ZBTB40: variants seen among roughly 807,000 people sequenced by gnomAD.
ZBTB40 encodes the protein zinc finger and BTB domain-containing protein 40.
In ZBTB40, 60 loss-of-function variants were observed where a neutral mutation model predicts 117.5. The ratio of observed to expected loss-of-function variants is 0.51; its 90% CI spans 0.41 to 0.63. ZBTB40 has a LOEUF of 0.63. ZBTB40 is among the 30% of genes least tolerant of loss of function. ZBTB40 has a pLI of 0.00. For synonymous variants in ZBTB40, 525 were observed against 577.1 expected (o/e 0.91, Z 1.29); for missense variants, 1,287 against 1,498.5 (o/e 0.86, Z 2.33).
At position 22,521,653 on chromosome 1, in the gene ZBTB40, A is replaced by G. The variant is rs746058693; in HGVS notation, c.3206A>G (p.His1069Arg). The G allele has an allele frequency of 6.2e-6, 10 of 1,614,256 alleles. No homozygotes were observed. The South Asian group carries it at 9.9e-5, about 16-fold the overall frequency. ...CACAAGAAGCACATCAAAGCAGAAC[A>G]TGCAGGTGGAGTTTGGGTACCGCCG... ...IEHKKHIKAE[H>R]ADMKFHECDQ... Residue 1069 changes from histidine (H) to arginine (R), a missense_variant, in exon 15 of 18, where the codon CAT (histidine) becomes CGT (arginine). By Grantham distance (29) the His-to-Arg change is conservative (BLOSUM62 0). Coordinates refer to ENST00000375647, the MANE Select transcript of ZBTB40 (RefSeq NM_014870.4).
upstream of ZBTB40, among the ~76,000 whole-genome samples, chr1:22,448,957 C>T (rs965573606): frequency 3.3e-5 from 5 of 152,004 alleles, no homozygotes; most frequent in Non-Finnish European, 7.4e-5. Context: ...GGATTACAAG[C>T]CAGCACCACC....
intron 13 of ZBTB40, among the ~76,000 whole-genome samples, 192 bp from the exon 14 acceptor site, chr1:22,519,869 G>A (rs1205733455): frequency 6.6e-6 from 1 of 152,198 alleles, no homozygotes; most frequent in Non-Finnish European, 1.5e-5. Flanking sequence ...CACCTCCTAG[G>A]ATGAAGGTGG....
intron 13 of ZBTB40, among the ~76,000 whole-genome samples, chr1:22,517,849 G>C (rs1639416971): frequency 6.6e-6 from 1 of 152,124 alleles, no homozygotes; most frequent in South Asian, 2.1e-4. Context: ...GACACTTTCT[G>C]AGTTAATGTC....
intron 1 of ZBTB40, among the ~76,000 whole-genome samples, chr1:22,478,821 A>G (rs1326704911): frequency 2.0e-5 from 3 of 152,226 alleles, no homozygotes; most frequent in Non-Finnish European, 4.4e-5. Context: ...ACATTACAAT[A>G]ATCTTAAGTG....
chr1:22,452,937 C>T (rs1251968737), intron 1 of ZBTB40: 1 of 152,244 alleles, frequency 6.6e-6, no homozygotes, highest in African/African-American at 2.4e-5. Context: ...TTTATGACGA[C>T]GCTTTATAAG....
intron 1 of ZBTB40, among the ~76,000 whole-genome samples, chr1:22,480,197 C>T (rs914644608): frequency 4.6e-5 from 7 of 152,084 alleles, no homozygotes; most frequent in East Asian, 1.9e-4. Context: ...TGAGCCACTG[C>T]GCCCAGCCAG....
chr1:22,522,389 A>T lies in ZBTB40; in HGVS notation c.3224A>T (p.His1075Leu). ...IKAEHADMKFHECDQCKELFP... is the reference protein window; with the variant it reads ...IKAEHADMKFLECDQCKELFP... Reference sequence around the variant, plus strand: ...ATGCACTTCACAGATATGAAGTTCCATGAATGTGACCAGTGTAAGGAGCTC... The same window carrying T: ...ATGCACTTCACAGATATGAAGTTCCTTGAATGTGACCAGTGTAAGGAGCTC... The change falls in exon 16 of 18, where the codon CAT (histidine) becomes CTT (leucine). Residue 1075 changes from histidine (H) to leucine (L), a missense_variant. Physicochemically the swap from His to Leu is moderately conservative, Grantham distance 99 (BLOSUM62 -3). This residue lies in a region of ZBTB40 where 417 missense variants were observed against 564.1 expected (regional missense o/e 0.74). Transcript: ENST00000375647. 6.2e-7 allele frequency: 1 copy of T among 1,614,192 alleles called. No individual in the cohort carries two copies. The highest frequency in any genetic ancestry group is 1.1e-5 in the South Asian group (1 of 91,084).
At position 22,522,945 on chromosome 1, in the gene ZBTB40, C is replaced by CTTTTTT. The variant is rs34232963; in HGVS notation, c.3298+497_3298+502dup. The stretch of plus-strand genomic sequence containing the variant: ...CCATGCTCGACTAAATAAGATGTAC[C>CTTTTTT]TTTTTTTTTTTTTTTTTTTTGAGAT... On this transcript the variant is annotated intron_variant, in intron 16 of 17. Transcript: ENST00000375647. Among the ~76,000 whole-genome samples the CTTTTTT allele has an allele frequency of 1.4e-3, 128 of 93,908 alleles. 8 individuals carry two copies. The highest frequency in any genetic ancestry group is 4.4e-3 in the East Asian group (11 of 2,524). The allele number at this position is 93,908 out of a possible 152,430, so 61.6% of individuals were successfully genotyped here.
rs2124457861 is a variant in ZBTB40, at chr1:22,511,284, C to G, written c.1939C>G (p.Leu647Val). The G allele has an allele frequency of 6.2e-7, 1 of 1,614,120 alleles. No individual in the cohort carries two copies. The highest frequency in any genetic ancestry group is 2.2e-5 in the East Asian group (1 of 44,868). The change falls in exon 10 of 18, where the codon CTG becomes GTG. Residue 647 changes from leucine to valine, a missense_variant. By Grantham distance (32) the Leu-to-Val change is conservative. Transcript: ENST00000375647. Reference protein sequence around the residue: ...SVPAIEICHLLCSVHKSFPGL... With the variant: ...SVPAIEICHLVCSVHKSFPGL... ...CCCGGCCATTGAAATATGCCACCTC[C>G]TGTGCAGTGTCCACAAATCTTTTCC...
rs200763839 is a variant in ZBTB40 at position 22,429,407 on chromosome 1, T to TAA, written c.-70+393_-70+394insAA. 9.2e-3 allele frequency among the ~76,000 whole-genome samples: 1,400 copies of TAA among 152,198 alleles called. 17 individuals are homozygous for TAA. The highest frequency in any genetic ancestry group is 0.032 in the African/African-American group (1,327 of 41,520). ...AAAAAAAAAAGAAAGAAATTCTTAC[T>TAA]GATCGCAAAGTCACAAAGGCATTTG... On this transcript the variant is annotated intron_variant, in intron 1 of 8. Coordinates refer to the ZBTB40 transcript ENST00000650433.
At chr1:22,481,770 C>T (rs1638326036) in intron 1 of ZBTB40, among the ~76,000 whole-genome samples, 1 of 92,184 alleles carries the variant, frequency 1.1e-5, no homozygotes, top group African/African-American at 4.2e-5. Flanking sequence ...ATCCGTAAGA[C>T]TTATGTCTTG....
At position 22,511,806 on chromosome 1, in the gene ZBTB40, A is replaced by G. The variant is rs1471619289; in HGVS notation, c.2133A>G (p.Gln711=). The change falls in exon 11 of 18, where the codon CAA becomes CAG. Residue 711 remains glutamine (Q), a synonymous_variant. Transcript: ENST00000375647. ...EDSQPGEQND[Q]GETGSLPGQQ... ...GCCAGCCTGGGGAACAGAATGATCA[A>G]GGAGAGACTGGTTCCTTGCCAGGAC... 6.2e-7 allele frequency: 1 copy of G among 1,613,960 alleles called. No homozygotes were observed. The highest frequency in any genetic ancestry group is 1.3e-5 in the African/African-American group (1 of 74,902).
intron 1 of ZBTB40, among the ~76,000 whole-genome samples, chr1:22,461,329 G>GTT (rs5773006): frequency 2.1e-5 from 3 of 140,574 alleles, no homozygotes; most frequent in African/African-American, 2.7e-5. Context: ...GAGTTCCGTT[G>GTT]TTTTTTTTTT....
intron 1 of ZBTB40, among the ~76,000 whole-genome samples, chr1:22,459,181 T>A (rs1217313657): frequency 6.6e-6 from 1 of 152,250 alleles, no homozygotes; most frequent in Non-Finnish European, 1.5e-5. Context: ...TTGTTTTATT[T>A]CTATCCAAGT....
chr1:22,482,197 GA>G (rs1478518325), intron 1 of ZBTB40, among the ~76,000 whole-genome samples: 1 of 152,168 alleles, frequency 6.6e-6, no homozygotes, highest in Non-Finnish European at 1.5e-5. Flanking sequence ...TGAGCAAGCT[GA>G]AAACAATCAT....
At position 22,501,583 on chromosome 1, in the gene ZBTB40, C is replaced by G; in HGVS notation, c.923C>G (p.Thr308Ser). 2 of 1,614,172 alleles carry G rather than the reference C, an allele frequency of 1.2e-6. No homozygotes were observed. The highest frequency in any genetic ancestry group is 1.7e-6 in the Non-Finnish European group (2 of 1,180,018). ...KVREESLDVQTVVSLLRLYQY... is the reference protein window; with the variant it reads ...KVREESLDVQSVVSLLRLYQY... Reference sequence around the variant, plus strand: ...AGAGAGGAAAGCCTGGATGTTCAAACTGTTGTGTCCCTGTTGAGGCTGTAC... The same window carrying G: ...AGAGAGGAAAGCCTGGATGTTCAAAGTGTTGTGTCCCTGTTGAGGCTGTAC... The change falls in exon 4 of 18, where the codon ACT (threonine) becomes AGT (serine). Residue 308 changes from threonine (T) to serine (S), a missense_variant. Physicochemically the swap from Thr to Ser is moderately conservative, Grantham distance 58. Transcript: ENST00000375647.
chr1:22,489,171 G>A (rs1056034670), intron 1 of ZBTB40, among the ~76,000 whole-genome samples: 3 of 152,138 alleles, frequency 2.0e-5, no homozygotes, highest in African/African-American at 7.2e-5. Flanking sequence ...AGAGGAACAG[G>A]CTGAGCCAGA....
rs374823977 is a variant in ZBTB40 at position 22,521,597 on chromosome 1, C to T, written c.3150C>T (p.Ser1050=). Residue 1050 remains serine (S), a synonymous_variant, in exon 15 of 18, where the codon TCC becomes TCT. Transcript: ENST00000375647. ...SSKFSSLQCS[S]CDKTFPNTIE... Reference sequence around the variant, plus strand: ...AGTTCTCATCACTCCAGTGCAGCTCCTGTGACAAAACCTTCCCCAACACCA... The same window carrying T: ...AGTTCTCATCACTCCAGTGCAGCTCTTGTGACAAAACCTTCCCCAACACCA... 1.2e-6 allele frequency: 2 copies of T among 1,614,096 alleles called. No individual in the cohort carries two copies. The highest frequency in any genetic ancestry group is 2.7e-5 in the African/African-American group (2 of 74,918).
At chr1:22,432,808 G>C (rs188263874) in intron 1 of ZBTB40, among the ~76,000 whole-genome samples, 2 of 152,202 alleles carry the variant, frequency 1.3e-5, no homozygotes, top group African/African-American at 4.8e-5. Context: ...TGTAATGTAA[G>C]TGCAGCAGTT....
Sources: allele counts gnomAD v4.1 joint callset (sites outside exome capture counted in the v4.1 genomes callset), GRCh38; gene constraint gnomAD v4.1.1; regional missense constraint gnomAD v4.1.1; transcripts MANE v1.5; gene names NCBI Gene and HGNC (gene_info 2026-07-23, HGNC 2026-07-21).